The following SSB variants were observed in gnomAD, a reference collection of about 807,000 sequenced individuals.
SSB encodes lupus La protein.
In SSB, 17 loss-of-function variants were observed where a neutral mutation model predicts 52.9. The observed-to-expected ratio is 0.32, with a 90% CI of 0.22 to 0.48. The LOEUF (loss-of-function observed/expected upper bound fraction) is 0.48. Among genes scored for constraint, SSB ranks in the 20% least tolerant of loss-of-function variants. The pLI is 0.99. For synonymous variants in SSB, 111 were observed against 152.1 expected (o/e 0.73, Z 1.99); for missense variants, 314 against 463.6 (o/e 0.68, Z 2.96).
At chr2:169,808,236 A>G (rs1689868508) in intron 6 of SSB, among the ~76,000 whole-genome samples, 1 of 152,176 alleles carries the variant, frequency 6.6e-6, no homozygotes, top group South Asian at 2.1e-4. Context: ...TATACTAAAA[A>G]ACATTCAAGG....
intron 2 of SSB, among the ~76,000 whole-genome samples, chr2:169,804,947 G>C (rs569756983): frequency 6.6e-6 from 1 of 152,214 alleles, no homozygotes; most frequent in South Asian, 2.1e-4. Flanking sequence ...AGGCCAACAT[G>C]GTAAAACCCT....
At chr2:169,799,105 C>G (rs985965866) in intron 1 of SSB, 129 bp downstream of exon 1, 1 of 152,016 alleles carries the variant, frequency 6.6e-6, no homozygotes, top group Non-Finnish European at 1.5e-5. Flanking sequence ...ACGTTCAGGC[C>G]GAGCGCCGCG....
At chr2:169,804,547 C>T (rs1273160953) in intron 2 of SSB, among the ~76,000 whole-genome samples, 1 of 151,680 alleles carries the variant, frequency 6.6e-6, no homozygotes, top group African/African-American at 2.4e-5. Flanking sequence ...CCACTCCTGG[C>T]CCCCCACCCC....
At position 169,808,474 on chromosome 2, in the gene SSB, T is replaced by C. The variant is rs376169089; in HGVS notation, c.555-8T>C. ...GTGAACTTAGCCTCTGTACTGTGTG[T>C]TCTTTAGGGACGATTACTTTGCCAA... On this transcript the variant is annotated splice_polypyrimidine_tract_variant and splice_region_variant and intron_variant, in intron 6 of 11. Coordinates refer to ENST00000260956, the MANE Select transcript of SSB (RefSeq NM_003142.5). The C allele has an allele frequency of 1.2e-6, 2 of 1,612,444 alleles. No homozygotes were observed. Among genetic ancestry groups the C allele is most frequent in the South Asian group, 2.2e-5 (2 of 90,994 alleles).
intron 1 of SSB, among the ~76,000 whole-genome samples, chr2:169,800,464 G>GC (rs556150859): frequency 6.7e-4 from 98 of 145,530 alleles, no homozygotes; most frequent in Non-Finnish European, 1.3e-3. Context: ...AACCTGGGAG[G>GC]CAGAGGTTGC....
intron 11 of SSB, 36 bp from the exon 12 acceptor site, chr2:169,811,632 C>A (rs769457620): frequency 6.3e-6 from 10 of 1,597,202 alleles, no homozygotes; most frequent in South Asian, 1.1e-5. Flanking sequence ...GCAGTACTTA[C>A]GTTGAATTTA....
chr2:169,811,294 A>G lies in SSB; in HGVS notation c.1109A>G (p.His370Arg), dbSNP rs901363673. ...ACGAAATTTGCTAGTGATGATGAAC[A>G]TGATGAACATGATGAAAATGGTGCA... The part of the protein sequence containing the change: ...KKTKFASDDE[H>R]DEHDENGATG... The change falls in exon 11 of 12, where the codon CAT becomes CGT. Residue 370 changes from histidine (H) to arginine (R), a missense_variant. By Grantham distance (29) the His-to-Arg change is conservative. Coordinates refer to ENST00000260956, the MANE Select transcript of SSB (RefSeq NM_003142.5). 6.3e-7 allele frequency: 1 copy of G among 1,596,452 alleles called. No individual in the cohort carries two copies. Among genetic ancestry groups the G allele is most frequent in the Non-Finnish European group, 8.5e-7 (1 of 1,175,078 alleles).
intron 2 of SSB, 80 bp from the exon 3 acceptor site, chr2:169,805,394 G>T (rs866809490): frequency 3.1e-6 from 3 of 980,188 alleles, no homozygotes; most frequent in Non-Finnish European, 4.6e-6. Context: ...TTAAATAACA[G>T]AACTTGGTAC....
intron 9 of SSB, chr2:169,810,629 T>C (rs972309203): frequency 6.0e-6 from 4 of 663,942 alleles, no homozygotes; most frequent in East Asian, 2.8e-5. Flanking sequence ...GTTGTTATTG[T>C]CACTATATGT....
At chr2:169,799,372 G>A (rs1285792144) in intron 1 of SSB, 1 of 150,874 alleles carries the variant, frequency 6.6e-6, no homozygotes, top group Non-Finnish European at 1.5e-5. Flanking sequence ...GGTGGGCACG[G>A]GGTAAACGCC....
At chr2:169,800,048 C>T (rs1021907722) in intron 1 of SSB, among the ~76,000 whole-genome samples, 1 of 152,234 alleles carries the variant, frequency 6.6e-6, no homozygotes, top group South Asian at 2.1e-4. Flanking sequence ...AACTGGCTAT[C>T]CAATGTATTA....
chr2:169,811,022 C>T lies in SSB; in HGVS notation c.975C>T (p.Ser325=), dbSNP rs1408117446. 1.2e-6 allele frequency: 2 copies of T among 1,610,636 alleles called. No individual in the cohort carries two copies. The highest frequency in any genetic ancestry group is 2.2e-5 in the East Asian group (1 of 44,784). Residue 325 remains serine (S), a synonymous_variant, in exon 10 of 12, where the codon TCC becomes TCT. Coordinates refer to ENST00000260956, the MANE Select transcript of SSB (RefSeq NM_003142.5). ...AAATAATAGAAGACCAACAAGAATC[C>T]CTAAACAAATGGAAGTCAAAAGGTC... is the stretch of plus-strand genomic sequence containing the variant. ...LKKIIEDQQE[S]LNKWKSKGRR... is the part of the protein sequence containing the mutation.
chr2:169,802,433 G>A (rs1395068230), intron 2 of SSB, among the ~76,000 whole-genome samples: 2 of 147,268 alleles, frequency 1.4e-5, no homozygotes, highest in East Asian at 3.9e-4. Flanking sequence ...TTTTTTTTAA[G>A]CTGCACGTCT....
intron 1 of SSB, chr2:169,799,640 T>C (rs1231366622): frequency 1.3e-5 from 2 of 152,194 alleles, no homozygotes; most frequent in African/African-American, 2.4e-5. Flanking sequence ...GTTTGCTTTG[T>C]AGGGGGCCCT....
intron 1 of SSB, 59 bp from the exon 2 acceptor site, chr2:169,800,892 CT>C: frequency 7.8e-7 from 1 of 1,275,052 alleles, no homozygotes; most frequent in Non-Finnish European, 1.1e-6. Flanking sequence ...TAAACATTAT[CT>C]TTCTATTCTT....
intron 2 of SSB, among the ~76,000 whole-genome samples, chr2:169,804,926 T>C (rs755137277): frequency 1.3e-5 from 2 of 152,168 alleles, no homozygotes; most frequent in South Asian, 2.1e-4. Flanking sequence ...TCGCTTGAGA[T>C]CAGGAGTTCA....
chr2:169,811,226 G>C lies in SSB; in HGVS notation c.1041G>C (p.Gln347His). 2 of 1,612,362 alleles carry C rather than the reference G, an allele frequency of 1.2e-6. No homozygotes were observed. Among genetic ancestry groups the C allele is most frequent in the Non-Finnish European group, 1.7e-6 (2 of 1,179,688 alleles). Reference sequence around the variant, plus strand: ...AAGGAAAGGGTAATAAAGCTGCCCAGCCTGGGTCTGGTAAAGGAAAAGTAC... The same window carrying C: ...AAGGAAAGGGTAATAAAGCTGCCCACCCTGGGTCTGGTAAAGGAAAAGTAC... ...KGKGKGNKAA[Q>H]PGSGKGKVQF... The change falls in exon 11 of 12, where the codon CAG becomes CAC. Residue 347 changes from glutamine (Q) to histidine (H), a missense_variant. Gln to His is a conservative substitution (Grantham distance 24). Transcript: ENST00000260956.
In SSB at chr2:169,805,583, A is replaced by G; in HGVS notation, c.170+6A>G. On this transcript the variant is annotated splice_donor_region_variant and intron_variant, in intron 3 of 11. Transcript: ENST00000260956. ...ATAATGATAAAATTCAACAGGTAAC[A>G]AGCTTTTAAAAATAATCTTTAGGTT... is the stretch of plus-strand genomic sequence containing the variant. 1.2e-6 allele frequency: 2 copies of G among 1,612,946 alleles called. No homozygotes were observed. The highest frequency in any genetic ancestry group is 1.7e-6 in the Non-Finnish European group (2 of 1,179,248).
chr2:169,801,509 G>GTTTTTT (rs79940369), intron 2 of SSB, among the ~76,000 whole-genome samples: 18 of 73,660 alleles, frequency 2.4e-4, no homozygotes, highest in African/African-American at 5.2e-4. Context: ...CTTTAATATA[G>GTTTTTT]TTTTTTTTTT....
Sources: gnomAD v4.1 joint callset for allele counts (sites outside exome capture counted in the v4.1 genomes callset) on GRCh38, gnomAD v4.1.1 for gene constraint, MANE v1.5 for transcripts, NCBI Gene and HGNC (gene_info 2026-07-23, HGNC 2026-07-21) for gene names.